ANO3: variants seen among roughly 807,000 people sequenced by gnomAD.
The protein encoded by ANO3 is anoctamin 3.
ANO3 carries 99 observed loss-of-function variants against 144.8 expected under a neutral mutation model. The ratio of observed to expected loss-of-function variants is 0.68; its 90% confidence interval spans 0.58 to 0.81. The LOEUF (loss-of-function observed/expected upper bound fraction) is 0.81. Ranked by LOEUF, ANO3 falls within the 30% of genes least tolerant of loss-of-function variation. The pLI, the probability that ANO3 is intolerant of heterozygous loss-of-function variation, is 0.00. For missense variants in ANO3, 905 were observed against 1,202.2 expected (o/e 0.75, Z 3.66); for synonymous variants, 414 against 392.6 (o/e 1.05, Z -0.64).
intron 1 of ANO3, among the ~76,000 whole-genome samples, chr11:26,311,197 C>A (rs1854494900): frequency 6.6e-6 from 1 of 152,096 alleles, no homozygotes; most frequent in Non-Finnish European, 1.5e-5. Flanking sequence ...TCTTATGTGT[C>A]AGGTACTGTA....
At chr11:26,269,271 C>G (rs994702646) in intron 1 of ANO3, among the ~76,000 whole-genome samples, 1 of 152,190 alleles carries the variant, frequency 6.6e-6, no homozygotes, top group African/African-American at 2.4e-5. Context: ...TTGGCACTCA[C>G]CTCTCAGGCA....
chr11:26,488,410 A>G (rs560120754), intron 4 of ANO3, among the ~76,000 whole-genome samples: 138 of 152,220 alleles, frequency 9.1e-4, no homozygotes, highest in South Asian at 1.9e-3. Context: ...TGTGTCCAGA[A>G]TTTATTCCTT....
intron 14 of ANO3, among the ~76,000 whole-genome samples, chr11:26,562,709 G>A (rs1472467214): frequency 6.6e-6 from 1 of 151,742 alleles, no homozygotes. Context: ...CTTTAAAAGA[G>A]CTCCAAATTA....
intron 1 of ANO3, among the ~76,000 whole-genome samples, chr11:26,197,349 T>C (rs1590188144): frequency 6.6e-6 from 1 of 152,090 alleles, no homozygotes; most frequent in Non-Finnish European, 1.5e-5. Context: ...TTTTTGTTTT[T>C]GTTTTTGTTT....
At chr11:26,610,308 A>ATTTTTTTTTTTTTTTTTTT (rs34715952) in intron 17 of ANO3, among the ~76,000 whole-genome samples, 1 of 130,308 alleles carries the variant, frequency 7.7e-6, no homozygotes, top group Non-Finnish European at 1.6e-5. Context: ...GATGTTGAGC[A>ATTTTTTTTTTTTTTTTTTT]TTTTTTTTTT....
chr11:26,410,946 T>A (rs964603139), intron 1 of ANO3, among the ~76,000 whole-genome samples: 1 of 152,036 alleles, frequency 6.6e-6, no homozygotes, highest in Non-Finnish European at 1.5e-5. Flanking sequence ...TTTGTCTTTA[T>A]GCCCTGGGCT....
At chr11:26,351,945 C>G (rs1213367470) in intron 1 of ANO3, among the ~76,000 whole-genome samples, 1 of 152,134 alleles carries the variant, frequency 6.6e-6, no homozygotes, top group African/African-American at 2.4e-5. Flanking sequence ...TCCTTTCATC[C>G]CTATGTATTA....
chr11:26,651,029 T>G (rs1390509530), intron 24 of ANO3, among the ~76,000 whole-genome samples: 1 of 152,208 alleles, frequency 6.6e-6, no homozygotes, highest in Non-Finnish European at 1.5e-5. Context: ...TAACTTTTGT[T>G]TACCACTTTG....
chr11:26,336,689 A>G (rs986300466), intron 1 of ANO3, among the ~76,000 whole-genome samples: 3 of 152,108 alleles, frequency 2.0e-5, no homozygotes, highest in African/African-American at 7.2e-5. Context: ...CTTTTCCCCT[A>G]ACTGACATCC....
chr11:26,529,697 T>C (rs940921734), intron 7 of ANO3, among the ~76,000 whole-genome samples: 6 of 151,206 alleles, frequency 4.0e-5, no homozygotes, highest in African/African-American at 1.5e-4. Flanking sequence ...ACCCATAGTG[T>C]GTAAATATTG....
chr11:26,465,929 C>T (rs2134062751), intron 4 of ANO3, among the ~76,000 whole-genome samples: 1 of 151,966 alleles, frequency 6.6e-6, no homozygotes, highest in East Asian at 1.9e-4. Context: ...AATTAATCTT[C>T]AGAACAATGC....
Position 26,635,112 on chromosome 11 carries a change from T to C in ANO3, c.2043+42T>C. The C allele has an allele frequency of 3.2e-6, 5 of 1,557,682 alleles. No individual in the cohort carries two copies. The African/African-American group carries it at 4.1e-5, about 13-fold the overall frequency. On this transcript the variant is annotated intron_variant, in intron 20 of 26. Transcript: ENST00000256737. ...GTGTGGGTGCAGGAATGGGCATGGA[T>C]ATGGGCCAGTTACTGCGGGAGGAAG...
chr11:26,289,647 CAT>C (rs1385765285), intron 1 of ANO3, among the ~76,000 whole-genome samples: 1 of 74,474 alleles, frequency 1.3e-5, no homozygotes, highest in Non-Finnish European at 2.3e-5. Context: ...CATATACACA[CAT>C]ATATTCTATA....
At chr11:26,243,915 C>T (rs1259838956) in intron 1 of ANO3, among the ~76,000 whole-genome samples, 2 of 151,856 alleles carry the variant, frequency 1.3e-5, no homozygotes, top group African/African-American at 2.4e-5. Context: ...GTCAGGAGTT[C>T]GATACCAGCC....
At chr11:26,590,852 G>A (rs1393960198) in intron 14 of ANO3, among the ~76,000 whole-genome samples, 2 of 152,122 alleles carry the variant, frequency 1.3e-5, no homozygotes, top group South Asian at 4.1e-4. Flanking sequence ...AGCTTGAGCC[G>A]TAACAAACAC....
chr11:26,429,699 A>G (rs921342580), intron 1 of ANO3, among the ~76,000 whole-genome samples: 1 of 152,204 alleles, frequency 6.6e-6, no homozygotes, highest in Non-Finnish European at 1.5e-5. Context: ...TGCAGTTCTG[A>G]TACTGGACAA....
chr11:26,619,700 C>G (rs572551431), intron 17 of ANO3, among the ~76,000 whole-genome samples: 1 of 152,144 alleles, frequency 6.6e-6, no homozygotes, highest in South Asian at 2.1e-4. Context: ...CTCCTGACCT[C>G]AAGAGATCCG....
At chr11:26,494,641 T>G (rs930611885) in intron 4 of ANO3, among the ~76,000 whole-genome samples, 1 of 152,198 alleles carries the variant, frequency 6.6e-6, no homozygotes, top group African/African-American at 2.4e-5. Flanking sequence ...AATTTCAAAG[T>G]GCTTAGATTT....
chr11:26,242,405 G>A (rs765719492), intron 1 of ANO3, among the ~76,000 whole-genome samples: 12 of 151,980 alleles, frequency 7.9e-5, no homozygotes, highest in African/African-American at 2.7e-4. Flanking sequence ...AATCTCCAAG[G>A]CCAAGTTTAG....
Sources: gnomAD v4.1 joint callset for allele counts (sites outside exome capture counted in the v4.1 genomes callset) on GRCh38, gnomAD v4.1.1 for gene constraint, MANE v1.5 for transcripts, NCBI Gene and HGNC (gene_info 2026-07-23, HGNC 2026-07-21) for gene names.